ANK3: variants seen among roughly 807,000 people sequenced by gnomAD.
ANK3 encodes ankyrin-3.
In ANK3, 57 loss-of-function variants were observed where a neutral mutation model predicts 370.9. The observed-to-expected ratio is 0.15, with a 90% CI of 0.12 to 0.19. ANK3 has a LOEUF of 0.19. Among genes scored for constraint, ANK3 ranks in the 10% least tolerant of loss-of-function variants. The pLI is 1.00. For missense variants in ANK3, 4,439 were observed against 5,302.1 expected (o/e 0.84, Z 5.06); for synonymous variants, 1,929 against 1,946.3 (o/e 0.99, Z 0.23).
At chr10:60,605,395 C>T (rs541004335) in intron 2 of ANK3, among the ~76,000 whole-genome samples, 9 of 151,554 alleles carry the variant, frequency 5.9e-5, no homozygotes, top group East Asian at 3.9e-4. Flanking sequence ...AGTTTGAGAC[C>T]GGCCTAGGCA....
intron 2 of ANK3, among the ~76,000 whole-genome samples, chr10:60,448,093 T>C (rs1019099967): frequency 3.9e-5 from 6 of 152,146 alleles, no homozygotes; most frequent in Non-Finnish European, 5.9e-5. Context: ...CTCACTTTCA[T>C]ACACCTGAGA....
chr10:60,636,277 C>A (rs1375547800), intron 1 of ANK3, among the ~76,000 whole-genome samples: 1 of 152,116 alleles, frequency 6.6e-6, no homozygotes, highest in Admixed American at 6.6e-5. Context: ...AAACCTAGAT[C>A]TAATCGTGAA....
chr10:60,379,960 A>G (rs2061338636), intron 1 of ANK3, among the ~76,000 whole-genome samples: 1 of 152,056 alleles, frequency 6.6e-6, no homozygotes, highest in Non-Finnish European at 1.5e-5. Context: ...ATCACTACTT[A>G]CCTCATGAAT....
chr10:60,462,489 T>C (rs1181374433), intron 2 of ANK3, among the ~76,000 whole-genome samples: 1 of 152,166 alleles, frequency 6.6e-6, no homozygotes, highest in Non-Finnish European at 1.5e-5. Context: ...TCTAAGACTT[T>C]GAATCATTTC....
At chr10:60,236,203 A>C (rs2097330366) in intron 7 of ANK3, among the ~76,000 whole-genome samples, 1 of 152,094 alleles carries the variant, frequency 6.6e-6, no homozygotes, top group Non-Finnish European at 1.5e-5. Context: ...AATTCTTGGC[A>C]TCATGTTATT....
At chr10:60,696,263 G>A (rs2079447834) in intron 1 of ANK3, among the ~76,000 whole-genome samples, 1 of 149,820 alleles carries the variant, frequency 6.7e-6, no homozygotes, top group Admixed American at 6.7e-5. Context: ...ATAATCAATA[G>A]CTTACCAACC....
intron 7 of ANK3, among the ~76,000 whole-genome samples, chr10:60,250,514 G>GCCC (rs1565991686): frequency 6.6e-6 from 1 of 151,948 alleles, no homozygotes; most frequent in Non-Finnish European, 1.5e-5. Flanking sequence ...ACAGGTGCCT[G>GCCC]CCACCACGCC....
At chr10:60,586,649 C>T (rs2077836011) in intron 2 of ANK3, among the ~76,000 whole-genome samples, 1 of 152,096 alleles carries the variant, frequency 6.6e-6, no homozygotes, top group African/African-American at 2.4e-5. Flanking sequence ...ATATATTGTA[C>T]AATGTGTATT....
intron 1 of ANK3, among the ~76,000 whole-genome samples, chr10:60,641,224 C>T (rs1473939962): frequency 6.8e-6 from 1 of 147,674 alleles, no homozygotes; most frequent in African/African-American, 2.5e-5. Context: ...TTTATAGATT[C>T]AATGCCATCC....
intron 1 of ANK3, among the ~76,000 whole-genome samples, chr10:60,348,557 C>G (rs918910097): frequency 6.6e-6 from 1 of 152,110 alleles, no homozygotes; most frequent in Non-Finnish European, 1.5e-5. Flanking sequence ...CTTCTATTAG[C>G]CTCAGGCTTC....
intron 27 of ANK3, among the ~76,000 whole-genome samples, chr10:60,108,583 A>G (rs1013072991): frequency 5.3e-5 from 8 of 152,132 alleles, no homozygotes; most frequent in Non-Finnish European, 4.4e-5. Flanking sequence ...GGTTCCGTGC[A>G]CTTGCTGAGC....
rs2097302353 is a variant in ANK3, at chr10:60,234,707, T to G, written c.878A>C (p.Lys293Thr). 1 of 1,612,896 alleles carries G rather than the reference T, an allele frequency of 6.2e-7. No homozygotes were observed. The highest frequency in any genetic ancestry group is 8.5e-7 in the Non-Finnish European group (1 of 1,179,156). ...ACTTACCCTGGTTTTGGCATCGATTTTAGCTCCTCGATCGAGCAATAGTTT... is the reference window on the plus strand; with the variant it reads ...ACTTACCCTGGTTTTGGCATCGATTGTAGCTCCTCGATCGAGCAATAGTTT... ...MVKLLLDRGA[K>T]IDAKTRDGLT... Residue 293 changes from lysine to threonine, a missense_variant, in exon 8 of 44, where the codon AAA becomes ACA. Lys to Thr is a moderately conservative substitution (Grantham distance 78). This residue lies in a region of ANK3 where 227 missense variants were observed against 377.6 expected (regional missense o/e 0.60). Coordinates refer to ENST00000280772, the MANE Select transcript of ANK3 (RefSeq NM_020987.5).
chr10:60,313,407 T>C (rs2046761256), intron 1 of ANK3, among the ~76,000 whole-genome samples: 2 of 152,204 alleles, frequency 1.3e-5, no homozygotes, highest in South Asian at 4.1e-4. Context: ...GACTCAAGTA[T>C]GTGCAGAGAG....
intron 1 of ANK3, among the ~76,000 whole-genome samples, chr10:60,298,477 C>T (rs903494600): frequency 2.0e-5 from 3 of 152,142 alleles, no homozygotes; most frequent in Admixed American, 6.5e-5. Flanking sequence ...TCTACATTTT[C>T]CAGCAAAACC....
intron 7 of ANK3, among the ~76,000 whole-genome samples, chr10:60,258,733 C>T (rs1223032632): frequency 1.3e-5 from 2 of 152,218 alleles, no homozygotes; most frequent in Admixed American, 6.5e-5. Flanking sequence ...GACATTCCCT[C>T]AGTCTACAGT....
At chr10:60,249,315 T>A (rs1378962674) in intron 7 of ANK3, among the ~76,000 whole-genome samples, 1 of 152,246 alleles carries the variant, frequency 6.6e-6, no homozygotes, top group East Asian at 1.9e-4. Flanking sequence ...TTCTAATGAA[T>A]TTTATAACTT....
intron 41 of ANK3, among the ~76,000 whole-genome samples, chr10:60,056,412 T>C (rs896004125): frequency 1.3e-5 from 2 of 152,138 alleles, no homozygotes; most frequent in Non-Finnish European, 2.9e-5. Flanking sequence ...GAGGTTGCAG[T>C]GAGCTGAGAT....
upstream of ANK3, among the ~76,000 whole-genome samples, chr10:60,390,708 A>G (rs1808943960): frequency 6.7e-6 from 1 of 149,258 alleles, no homozygotes; most frequent in African/African-American, 2.5e-5. Flanking sequence ...CCTAAAACAT[A>G]TGAGACCTAG....
chr10:60,418,229 T>G (rs2063709072), intron 2 of ANK3, among the ~76,000 whole-genome samples: 1 of 152,162 alleles, frequency 6.6e-6, no homozygotes, highest in Non-Finnish European at 1.5e-5. Flanking sequence ...GACTATGTTT[T>G]CAAAAGCTTC....
Sources: gnomAD v4.1 joint callset for allele counts (sites outside exome capture counted in the v4.1 genomes callset) on GRCh38, gnomAD v4.1.1 for gene constraint, gnomAD v4.1.1 regional missense constraint, MANE v1.5 for transcripts, NCBI Gene and HGNC (gene_info 2026-07-23, HGNC 2026-07-21) for gene names.